BUB1B: variants seen among roughly 807,000 people sequenced by gnomAD.
The protein encoded by BUB1B is mitotic checkpoint serine/threonine-protein kinase BUB1 beta.
BUB1B carries 86 observed loss-of-function variants against 137.7 expected under a neutral mutation model. The ratio of observed to expected loss-of-function variants is 0.62; its 90% CI spans 0.52 to 0.75. BUB1B has a LOEUF of 0.75. Among genes scored for constraint, BUB1B ranks in the 30% least tolerant of loss-of-function variants. The probability of loss-of-function intolerance (pLI) is 0.00; values close to 1 mark genes in which losing one functional copy is unlikely to be tolerated. For missense variants in BUB1B, 1,130 were observed against 1,236.9 expected, an observed-to-expected ratio of 0.91 and a Z score of 1.30; for synonymous variants, 420 against 417.9, an observed-to-expected ratio of 1.00 and a Z score of -0.06.
chr15:40,206,072 C>A, intron 14 of BUB1B, 112 bp from the exon 15 acceptor site: 1 of 1,097,840 alleles, frequency 9.1e-7, no homozygotes, highest in Non-Finnish European at 1.4e-6. Context: ...CCTAGATATT[C>A]TGATATGCTA....
chr15:40,170,754 AC>A, intron 4 of BUB1B, 73 bp downstream of exon 4: 1 of 1,518,040 alleles, frequency 6.6e-7, no homozygotes, highest in Non-Finnish European at 9.1e-7. Context: ...TATCTGGTAT[AC>A]CAAAAAAAAA....
chr15:40,198,239 G>GTTTTTTTTTTTTGTTT (rs1555382907), intron 9 of BUB1B, among the ~76,000 whole-genome samples: 1 of 146,088 alleles, frequency 6.8e-6, no homozygotes, highest in African/African-American at 2.5e-5. Flanking sequence ...TTTCTATTGT[G>GTTTTTTTTTTTTGTTT]TTTTTTTTTT....
At chr15:40,164,956 G>C (rs2037078183) in intron 1 of BUB1B, 97 bp from the exon 2 acceptor site, 2 of 1,469,828 alleles carry the variant, frequency 1.4e-6, no homozygotes, top group Admixed American at 3.4e-5. Flanking sequence ...TTCAACCCAA[G>C]ACCATGAATA....
At position 40,170,054 on chromosome 15, in the gene BUB1B, C is replaced by T. The variant is rs2037143969; in HGVS notation, c.180-8C>T. 2.5e-6 allele frequency: 4 copies of T among 1,612,076 alleles called. No homozygotes were observed. Among genetic ancestry groups the T allele is most frequent in the Admixed American group, 1.7e-5 (1 of 60,018 alleles). ...TGCATATGCTAACTTTTTCTGTTTA[C>T]ATTTCAGGGCATTTGAATATGAAAT... On this transcript the variant is annotated splice_region_variant and splice_polypyrimidine_tract_variant and intron_variant, in intron 2 of 22. Coordinates refer to ENST00000287598, the MANE Select transcript of BUB1B (RefSeq NM_001211.6).
At position 40,170,249 on chromosome 15, in the gene BUB1B, C is replaced by T. The variant is rs966008137; in HGVS notation, c.239+128C>T. ...AGTGGTGTCCTGGGGGCACAGAGATCCAGAATAATCATAATATATCTTCCT... is the reference window on the plus strand; with the variant it reads ...AGTGGTGTCCTGGGGGCACAGAGATTCAGAATAATCATAATATATCTTCCT... On this transcript the variant is annotated intron_variant, in intron 3 of 22. Transcript: ENST00000287598. 3.3e-6 allele frequency: 3 copies of T among 905,556 alleles called. No individual in the cohort carries two copies. The Admixed American group carries it at 6.4e-5, about 19-fold the overall frequency. The allele number at this position is 905,556 out of a possible 1,614,324, so 56.1% of individuals were successfully genotyped here.
At chr15:40,196,055 G>A (rs969722447) in intron 8 of BUB1B, among the ~76,000 whole-genome samples, 2 of 152,072 alleles carry the variant, frequency 1.3e-5, no homozygotes, top group South Asian at 2.1e-4. Context: ...AGTCTTTACC[G>A]AAGCCAATGT....
chr15:40,161,259 G>A lies in BUB1B; in HGVS notation c.35+4G>A, dbSNP rs769117219. On this transcript the variant is annotated splice_donor_region_variant and intron_variant, in intron 1 of 22. Transcript: ENST00000287598. ...AGAAGGAAGGGGGTGCTCTGAGGTA[G>A]GTACGGGAGAAAGCTGCTGGGGGCT... The A allele has an allele frequency of 8.1e-6, 13 of 1,612,322 alleles. No homozygotes were observed. In the African/African-American group the frequency reaches 1.3e-4, roughly 17 times the overall value.
At chr15:40,192,447 G>C (rs1398924416) in intron 8 of BUB1B, among the ~76,000 whole-genome samples, 1 of 152,166 alleles carries the variant, frequency 6.6e-6, no homozygotes, top group African/African-American at 2.4e-5. Flanking sequence ...GTGTTTTACA[G>C]TTCTGTGTGT....
rs770880410 is a variant in BUB1B, at chr15:40,200,213, G to A, written c.1402-31G>A. The A allele has an allele frequency of 8.2e-5, 120 of 1,459,598 alleles. No homozygotes were observed. In the South Asian group the frequency reaches 1.2e-3, roughly 14 times the overall value. The allele number at this position is 1,459,598 out of a possible 1,614,324, so 90.4% of individuals were successfully genotyped here. A position where few individuals can be genotyped will look rare whatever the true frequency, so the allele number is the denominator to read the frequency against. Reference sequence around the variant, plus strand: ...AAAATAGCATTTTCTGGATGGGAGGGACATTGATTTTGTTTATTTAATGCA... The same window carrying A: ...AAAATAGCATTTTCTGGATGGGAGGAACATTGATTTTGTTTATTTAATGCA... On this transcript the variant is annotated intron_variant, in intron 10 of 22. Transcript: ENST00000287598.
chr15:40,216,231 A>C (rs963580185), intron 20 of BUB1B, among the ~76,000 whole-genome samples: 2 of 152,250 alleles, frequency 1.3e-5, no homozygotes, highest in African/African-American at 4.8e-5. Flanking sequence ...TGAGCCTAGG[A>C]GTTCAAGACC....
At chr15:40,197,851 A>G (rs1052036425) in intron 9 of BUB1B, among the ~76,000 whole-genome samples, 5 of 152,234 alleles carry the variant, frequency 3.3e-5, no homozygotes, top group Non-Finnish European at 7.3e-5. Context: ...GTTGCAAAGC[A>G]AGGTGTTGAG....
At chr15:40,185,422 C>G in intron 7 of BUB1B, 43 bp downstream of exon 7, 1 of 1,604,178 alleles carries the variant, frequency 6.2e-7, no homozygotes, top group Non-Finnish European at 8.5e-7. Context: ...ACAACAAAGA[C>G]TTCACATTTA....
chr15:40,211,270 G>C (rs2140906993), intron 18 of BUB1B, among the ~76,000 whole-genome samples: 1 of 151,836 alleles, frequency 6.6e-6, no homozygotes, highest in Non-Finnish European at 1.5e-5. Context: ...GTTTCTTCTT[G>C]TTTTCTTTTT....
At chr15:40,174,368 A>AT (rs1422416066) in intron 4 of BUB1B, among the ~76,000 whole-genome samples, 8 of 152,230 alleles carry the variant, frequency 5.3e-5, no homozygotes, top group Non-Finnish European at 1.2e-4. Context: ...AATACTAATT[A>AT]TTTTTGTTAA....
chr15:40,169,536 G>C (rs1029521215), intron 2 of BUB1B, among the ~76,000 whole-genome samples: 7 of 149,464 alleles, frequency 4.7e-5, no homozygotes, highest in Non-Finnish European at 7.4e-5. Context: ...ATGTTGTCTT[G>C]AAATTTGTTT....
intron 8 of BUB1B, among the ~76,000 whole-genome samples, chr15:40,193,767 G>A (rs2037465398): frequency 6.6e-6 from 1 of 152,080 alleles, no homozygotes; most frequent in African/African-American, 2.4e-5. Context: ...GGTGGCAGGT[G>A]CCTGTAATCC....
intron 2 of BUB1B, among the ~76,000 whole-genome samples, chr15:40,167,404 G>A (rs565006270): frequency 6.5e-5 from 9 of 138,528 alleles, no homozygotes; most frequent in Middle Eastern, 3.8e-3. Context: ...AGGCTGGAGC[G>A]CAATCTCAGC....
chr15:40,187,712 C>G (rs1235136729), intron 8 of BUB1B, among the ~76,000 whole-genome samples: 2 of 151,920 alleles, frequency 1.3e-5, no homozygotes, highest in African/African-American at 4.8e-5. Context: ...AGTTCAAGAC[C>G]AGCCTGGGCA....
At chr15:40,163,069 A>G (rs753416695) in intron 1 of BUB1B, among the ~76,000 whole-genome samples, 12 of 152,106 alleles carry the variant, frequency 7.9e-5, no homozygotes, top group Non-Finnish European at 1.8e-4. Context: ...GTTTCCTTCT[A>G]CATCCCAAAG....
Sources: gnomAD v4.1 joint callset for allele counts (sites outside exome capture counted in the v4.1 genomes callset) on GRCh38, gnomAD v4.1.1 for gene constraint, MANE v1.5 for transcripts, NCBI Gene and HGNC (gene_info 2026-07-23, HGNC 2026-07-21) for gene names.